The following MDGA2 variants were observed in gnomAD, a reference collection of about 807,000 sequenced individuals.
MDGA2 encodes the protein MAM domain-containing glycosylphosphatidylinositol anchor protein 2.
A neutral mutation model predicts 117.8 loss-of-function variants in MDGA2; 40 were observed. That is an observed-to-expected ratio of 0.34 (90% CI 0.26 to 0.44). MDGA2 has a LOEUF of 0.44. Among genes scored for constraint, MDGA2 ranks in the 20% least tolerant of loss-of-function variants. The pLI is 1.00. For missense variants in MDGA2, 1,123 were observed against 1,250.6 expected (o/e 0.90, Z 1.54); for synonymous variants, 452 against 439.0 (o/e 1.03, Z -0.37).
chr14:47,252,297 A>G (rs184044095), intron 2 of MDGA2, among the ~76,000 whole-genome samples: 1 of 152,304 alleles, frequency 6.6e-6, no homozygotes, highest in Non-Finnish European at 1.5e-5. Flanking sequence ...ATAAATTACT[A>G]ATTTTATTCA....
chr14:47,558,675 CTG>C (rs1895734808), intron 1 of MDGA2, among the ~76,000 whole-genome samples: 1 of 152,126 alleles, frequency 6.6e-6, no homozygotes, highest in Admixed American at 6.5e-5. Flanking sequence ...TAACTGTTTC[CTG>C]CCAGTCAATG....
intron 1 of MDGA2, among the ~76,000 whole-genome samples, chr14:47,489,396 G>A (rs184389726): frequency 1.3e-4 from 19 of 151,910 alleles, no homozygotes; most frequent in African/African-American, 2.4e-4. Flanking sequence ...CCTGAACATC[G>A]TACTCAAAAA....
At chr14:47,153,197 G>T (rs549684328) in intron 3 of MDGA2, among the ~76,000 whole-genome samples, 1 of 152,232 alleles carries the variant, frequency 6.6e-6, no homozygotes, top group African/African-American at 2.4e-5. Context: ...AAGAGATTTG[G>T]GGGTGGCAAA....
intron 1 of MDGA2, among the ~76,000 whole-genome samples, chr14:47,486,881 T>A (rs1894072161): frequency 6.6e-6 from 1 of 152,176 alleles, no homozygotes; most frequent in African/African-American, 2.4e-5. Context: ...ATTTTGTACA[T>A]TGTCCAGTCT....
chr14:47,554,754 T>C (rs1279287816), intron 1 of MDGA2, among the ~76,000 whole-genome samples: 1 of 152,120 alleles, frequency 6.6e-6, no homozygotes, highest in Non-Finnish European at 1.5e-5. Flanking sequence ...AAATACAGAG[T>C]CTTAGAAGAC....
intron 5 of MDGA2, among the ~76,000 whole-genome samples, chr14:47,100,275 GAT>G (rs766708928): frequency 8.5e-5 from 13 of 152,048 alleles, no homozygotes; most frequent in Non-Finnish European, 1.8e-4. Context: ...GTAGGTAAGT[GAT>G]ACTTTTTCAC....
chr14:47,525,337 C>G (rs146946226), intron 1 of MDGA2, among the ~76,000 whole-genome samples: 93 of 152,224 alleles, frequency 6.1e-4, no homozygotes, highest in African/African-American at 2.1e-3. Context: ...ACTGGATATT[C>G]TCTACTTTTT....
At chr14:47,039,069 T>C (rs1282216347) in intron 7 of MDGA2, among the ~76,000 whole-genome samples, 1 of 152,200 alleles carries the variant, frequency 6.6e-6, no homozygotes, top group Admixed American at 6.5e-5. Flanking sequence ...TATCTTTCTG[T>C]CCCCACTAAA....
At chr14:47,039,936 T>C (rs1889002489) in intron 7 of MDGA2, among the ~76,000 whole-genome samples, 2 of 152,072 alleles carry the variant, frequency 1.3e-5, no homozygotes, top group South Asian at 4.1e-4. Flanking sequence ...CACAAGTAAC[T>C]ATGCAAGATA....
At chr14:47,540,176 G>A (rs539829218) in intron 1 of MDGA2, among the ~76,000 whole-genome samples, 1 of 152,060 alleles carries the variant, frequency 6.6e-6, no homozygotes, top group Admixed American at 6.6e-5. Context: ...ACCTCGCCCG[G>A]CTAATTTTTT....
intron 8 of MDGA2, among the ~76,000 whole-genome samples, chr14:47,033,208 G>T (rs1016618088): frequency 6.6e-6 from 1 of 152,156 alleles, no homozygotes. Context: ...GAAAAAATAG[G>T]AAATTTAGTT....
At chr14:47,062,787 A>G (rs745389214) in intron 6 of MDGA2, among the ~76,000 whole-genome samples, 6 of 152,112 alleles carry the variant, frequency 3.9e-5, no homozygotes, top group Non-Finnish European at 8.8e-5. Context: ...ATAAAAATCT[A>G]TAGAATCATG....
intron 1 of MDGA2, among the ~76,000 whole-genome samples, chr14:47,499,299 G>T (rs1894349538): frequency 1.3e-5 from 2 of 152,024 alleles, no homozygotes; most frequent in Non-Finnish European, 2.9e-5. Flanking sequence ...AATACTCCAG[G>T]ATTTGCTATA....
intron 1 of MDGA2, among the ~76,000 whole-genome samples, chr14:47,411,972 G>A (rs1892382531): frequency 6.6e-6 from 1 of 152,146 alleles, no homozygotes; most frequent in South Asian, 2.1e-4. Context: ...CTGCTGTCTT[G>A]CAAATTGGGA....
chr14:47,343,253 T>A (rs1476542390), intron 1 of MDGA2: 1 of 1,146,898 alleles, frequency 8.7e-7, no homozygotes, highest in Admixed American at 4.6e-5. Flanking sequence ...ATTATCGAAT[T>A]CCGGGCATTG....
At position 47,505,993 on chromosome 14, in the gene MDGA2, G is replaced by T. The variant is rs190701287; in HGVS notation, c.280+168524C>A. Reference sequence around the variant, plus strand: ...ATAGGACACAGGTCCTATTCTCTGTGGACAAAAAGTTTGTAGGAGAGATAA... The same window carrying T: ...ATAGGACACAGGTCCTATTCTCTGTTGACAAAAAGTTTGTAGGAGAGATAA... On this transcript the variant is annotated intron_variant, in intron 1 of 16. Transcript: ENST00000399232. Among the ~76,000 whole-genome samples, 428 of 152,170 alleles carry T rather than the reference G, an allele frequency of 2.8e-3. 1 individual carries two copies. The highest frequency in any genetic ancestry group is 9.3e-3 in the South Asian group (45 of 4,826).
chr14:47,088,529 C>A (rs745549623), intron 6 of MDGA2, among the ~76,000 whole-genome samples: 93 of 152,058 alleles, frequency 6.1e-4, no homozygotes, highest in Non-Finnish European at 1.2e-3. Context: ...TTTGATGAAT[C>A]TAAATGCTTG....
chr14:47,321,191 G>A (rs143042086), intron 1 of MDGA2, among the ~76,000 whole-genome samples: 3,124 of 152,220 alleles, frequency 0.021, 47 homozygotes, highest in Middle Eastern at 0.037. Context: ...ACACAAAAGT[G>A]ACTCTGTACT....
At chr14:47,219,799 T>C (rs959750651) in intron 2 of MDGA2, among the ~76,000 whole-genome samples, 1 of 152,056 alleles carries the variant, frequency 6.6e-6, no homozygotes, top group African/African-American at 2.4e-5. Flanking sequence ...AAGAGAATAG[T>C]CTCGTCTGTG....
Sources: allele counts gnomAD v4.1 joint callset (sites outside exome capture counted in the v4.1 genomes callset), GRCh38; gene constraint gnomAD v4.1.1; transcripts MANE v1.5; gene names NCBI Gene and HGNC (gene_info 2026-07-23, HGNC 2026-07-21).